The following PDZD2 variants were observed in gnomAD, a reference collection of about 807,000 sequenced individuals.
The protein encoded by PDZD2 is PDZ domain containing 2.
In PDZD2, 90 loss-of-function variants were observed where a neutral mutation model predicts 220.7. That is an observed-to-expected ratio of 0.41 (90% CI 0.34 to 0.49). The LOEUF (loss-of-function observed/expected upper bound fraction) is 0.49, where lower values mean the gene tolerates loss of function less well. PDZD2 is among the 20% of genes least tolerant of loss of function. The probability of loss-of-function intolerance (pLI) is 0.28; values close to 1 mark genes in which losing one functional copy is unlikely to be tolerated. For missense variants in PDZD2, 3,174 were observed against 3,608.5 expected (o/e 0.88, Z 3.08); for synonymous variants, 1,375 against 1,450.5 (o/e 0.95, Z 1.18).
chr5:31,945,065 A>G (rs1378436193), intron 2 of PDZD2, among the ~76,000 whole-genome samples: 1 of 152,092 alleles, frequency 6.6e-6, no homozygotes, highest in Non-Finnish European at 1.5e-5. Context: ...TCTTTGTAAG[A>G]TTTTCATGGA....
chr5:32,076,103 T>A (rs1016938835), intron 18 of PDZD2, among the ~76,000 whole-genome samples: 3 of 151,996 alleles, frequency 2.0e-5, no homozygotes, highest in Admixed American at 6.6e-5. Flanking sequence ...CTGGCCAACA[T>A]GGCAAAACCC....
chr5:31,687,003 A>G (rs1746900555), intron 1 of PDZD2, among the ~76,000 whole-genome samples: 1 of 152,184 alleles, frequency 6.6e-6, no homozygotes, highest in South Asian at 2.1e-4. Flanking sequence ...GAGCCTAAAG[A>G]GGACCCCAAC....
chr5:31,662,216 A>G (rs1745796140), intron 1 of PDZD2, among the ~76,000 whole-genome samples: 1 of 152,074 alleles, frequency 6.6e-6, no homozygotes, highest in East Asian at 1.9e-4. Flanking sequence ...GAGTCTGAGG[A>G]AGGAGAATCA....
chr5:31,853,062 G>T (rs1758152665), intron 2 of PDZD2, among the ~76,000 whole-genome samples: 1 of 152,204 alleles, frequency 6.6e-6, no homozygotes, highest in East Asian at 1.9e-4. Flanking sequence ...TATTCAATTT[G>T]AACTTAATTC....
At chr5:31,881,091 C>T (rs887727779) in intron 2 of PDZD2, among the ~76,000 whole-genome samples, 3 of 151,922 alleles carry the variant, frequency 2.0e-5, no homozygotes, top group African/African-American at 7.2e-5. Context: ...TATGCCACCA[C>T]GCCTGGCTGA....
At chr5:31,658,559 T>G (rs39792) in intron 1 of PDZD2, among the ~76,000 whole-genome samples, 1 of 152,034 alleles carries the variant, frequency 6.6e-6, no homozygotes, top group African/African-American at 2.4e-5. Context: ...AACTAATACC[T>G]CTTTGTCTTT....
chr5:31,733,011 G>A (rs915127616), intron 1 of PDZD2, among the ~76,000 whole-genome samples: 5 of 152,202 alleles, frequency 3.3e-5, no homozygotes, highest in African/African-American at 1.2e-4. Flanking sequence ...TTATAGGCGT[G>A]AGCCACCGCG....
At chr5:31,847,859 C>A in intron 2 of PDZD2, 1 of 525,806 alleles carries the variant, frequency 1.9e-6, no homozygotes, top group Admixed American at 2.0e-5. Context: ...GCATTGGAAG[C>A]ACATCACGTG....
intron 2 of PDZD2, among the ~76,000 whole-genome samples, chr5:31,914,765 T>G (rs1312491063): frequency 6.6e-6 from 1 of 152,216 alleles, no homozygotes; most frequent in Non-Finnish European, 1.5e-5. Flanking sequence ...GGTGGTGTTC[T>G]ATTGAAATTG....
intron 2 of PDZD2, among the ~76,000 whole-genome samples, chr5:31,870,271 T>G (rs1875493): frequency 0.53 from 80,142 of 152,050 alleles, 21,436 homozygotes; most frequent in South Asian, 0.59. Flanking sequence ...ATATAAGGTG[T>G]AGAGTCCACC....
intron 2 of PDZD2, among the ~76,000 whole-genome samples, chr5:31,935,506 A>G (rs1041401094): frequency 6.6e-6 from 1 of 152,208 alleles, no homozygotes. Flanking sequence ...CTTGTCTACA[A>G]TGGAAGTTGG....
chr5:31,856,543 G>C (rs1758462785), intron 2 of PDZD2, among the ~76,000 whole-genome samples: 2 of 152,180 alleles, frequency 1.3e-5, no homozygotes, highest in East Asian at 1.9e-4. Context: ...CTTATCTAGA[G>C]TGAAGGAAAG....
At chr5:32,069,248 A>AGCTG (rs1740526575) in intron 14 of PDZD2, among the ~76,000 whole-genome samples, 1 of 146,686 alleles carries the variant, frequency 6.8e-6, no homozygotes, top group Non-Finnish European at 1.5e-5. Context: ...CTTGGGTAAC[A>AGCTG]GAGAGACTCT....
intron 18 of PDZD2, 90 bp downstream of exon 18, chr5:32,074,733 C>A (rs1404837730): frequency 9.9e-6 from 8 of 806,278 alleles, no homozygotes; most frequent in Non-Finnish European, 1.6e-5. Context: ...GGGTAAGCTG[C>A]CAGTGGGAAA....
intron 2 of PDZD2, among the ~76,000 whole-genome samples, chr5:31,943,908 A>G (rs760540450): frequency 1.2e-4 from 19 of 152,242 alleles, no homozygotes; most frequent in African/African-American, 1.9e-4. Flanking sequence ...GATGTAGGCA[A>G]CAAAGGACAG....
intron 1 of PDZD2, among the ~76,000 whole-genome samples, chr5:31,674,745 A>C (rs1453754690): frequency 6.6e-6 from 1 of 152,214 alleles, no homozygotes; most frequent in Non-Finnish European, 1.5e-5. Flanking sequence ...AACACTTGGG[A>C]GTCATAAAAC....
intron 24 of PDZD2, chr5:32,107,330 C>G (rs939779076): frequency 3.3e-5 from 5 of 152,158 alleles, no homozygotes; most frequent in African/African-American, 1.2e-4. Flanking sequence ...CATATATCAG[C>G]CAGAATCTGT....
chr5:32,079,664 AG>A (rs1390520005), intron 19 of PDZD2, among the ~76,000 whole-genome samples: 1 of 151,794 alleles, frequency 6.6e-6, no homozygotes, highest in Non-Finnish European at 1.5e-5. Flanking sequence ...AAACAAAATT[AG>A]CTGGGCATGT....
At chr5:32,002,990 CCA>C (rs1236262492) in intron 5 of PDZD2, among the ~76,000 whole-genome samples, 1 of 127,574 alleles carries the variant, frequency 7.8e-6, no homozygotes, top group East Asian at 2.6e-4. Context: ...CACACACACC[CCA>C]CACACCAACA....
Sources: gnomAD v4.1 joint callset for allele counts (sites outside exome capture counted in the v4.1 genomes callset) on GRCh38, gnomAD v4.1.1 for gene constraint, MANE v1.5 for transcripts, NCBI Gene and HGNC (gene_info 2026-07-23, HGNC 2026-07-21) for gene names.